SRGAP1: variants seen among roughly 807,000 people sequenced by gnomAD.
The protein encoded by SRGAP1 is SLIT-ROBO Rho GTPase-activating protein 1.
SRGAP1 carries 43 observed loss-of-function variants against 121.9 expected under a neutral mutation model. The ratio of observed to expected loss-of-function variants is 0.35; its 90% confidence interval spans 0.28 to 0.46. The LOEUF is 0.46. Among genes scored for constraint, SRGAP1 ranks in the 20% least tolerant of loss-of-function variants. SRGAP1 has a pLI of 1.00. For missense variants in SRGAP1, 1,102 were observed against 1,350.9 expected (o/e 0.82, Z 2.89); for synonymous variants, 447 against 485.4 (o/e 0.92, Z 1.04).
At chr12:63,897,845 T>C (rs941178922) in intron 1 of SRGAP1, among the ~76,000 whole-genome samples, 1 of 152,092 alleles carries the variant, frequency 6.6e-6, no homozygotes, top group African/African-American at 2.4e-5. Flanking sequence ...GGGAGGGAGA[T>C]AGATTTTTTT....
intron 12 of SRGAP1, among the ~76,000 whole-genome samples, chr12:64,093,128 C>CT (rs993408362): frequency 3.3e-5 from 5 of 152,042 alleles, no homozygotes; most frequent in Non-Finnish European, 5.9e-5. Flanking sequence ...CATTTTTTCT[C>CT]TTTTTTCTCT....
At chr12:64,014,054 T>G (rs2034331101) in intron 3 of SRGAP1, among the ~76,000 whole-genome samples, 1 of 152,222 alleles carries the variant, frequency 6.6e-6, no homozygotes, top group South Asian at 2.1e-4. Flanking sequence ...TTATGGTGTA[T>G]TCACTGTGTG....
intron 19 of SRGAP1, among the ~76,000 whole-genome samples, chr12:64,127,264 A>C (rs971547359): frequency 2.6e-5 from 4 of 152,250 alleles, no homozygotes; most frequent in East Asian, 1.9e-4. Context: ...TATGTACACA[A>C]TCACAGATAT....
chr12:63,877,290 T>G (rs1383617609), intron 1 of SRGAP1, among the ~76,000 whole-genome samples: 1 of 152,194 alleles, frequency 6.6e-6, no homozygotes, highest in African/African-American at 2.4e-5. Context: ...ATTTATTTTG[T>G]GTGTGTATGT....
chr12:64,160,994 T>C lies in SRGAP1; in HGVS notation c.*18322T>C, dbSNP rs1264592831. Reference sequence around the variant, plus strand: ...ATACATAATTTACTATTGCATGTTTTTCTCAGGGTTTCTGAAATTTCAGAA... The same window carrying C: ...ATACATAATTTACTATTGCATGTTTCTCTCAGGGTTTCTGAAATTTCAGAA... On this transcript the variant is annotated 3_prime_UTR_variant, in exon 22 of 22. Transcript: ENST00000355086. 1 of 152,236 alleles carries C rather than the reference T, an allele frequency of 6.6e-6. No individual in the cohort carries two copies. The highest frequency in any genetic ancestry group is 2.4e-5 in the African/African-American group (1 of 41,462). 9.4% of individuals were successfully genotyped at this position (152,236 alleles called of 1,614,324 possible). A position where few individuals can be genotyped will look rare whatever the true frequency, so the allele number is the denominator to read the frequency against.
intron 8 of SRGAP1, among the ~76,000 whole-genome samples, chr12:64,068,004 A>G (rs1355541422): frequency 6.6e-6 from 1 of 152,060 alleles, no homozygotes; most frequent in Non-Finnish European, 1.5e-5. Flanking sequence ...GAGCCTTTTC[A>G]CCAAATCTTA....
At chr12:64,118,556 C>T (rs1759681453) in intron 18 of SRGAP1, among the ~76,000 whole-genome samples, 1 of 152,092 alleles carries the variant, frequency 6.6e-6, no homozygotes. Context: ...GCCATTGTGT[C>T]CAGCCAACAT....
chr12:64,138,221 T>C (rs1282146820), intron 21 of SRGAP1, among the ~76,000 whole-genome samples: 1 of 151,754 alleles, frequency 6.6e-6, no homozygotes, highest in Non-Finnish European at 1.5e-5. Context: ...ACAGTATTTG[T>C]ATTTTTTGTG....
intron 1 of SRGAP1, among the ~76,000 whole-genome samples, chr12:63,885,467 C>T (rs1900347382): frequency 6.6e-6 from 1 of 152,178 alleles, no homozygotes; most frequent in African/African-American, 2.4e-5. Context: ...TCTTGGGTTT[C>T]TGTGGAGGCT....
chr12:63,900,574 A>AGGATGAGGCGGGAGGATC (rs1369584409), intron 1 of SRGAP1, among the ~76,000 whole-genome samples: 1 of 151,826 alleles, frequency 6.6e-6, no homozygotes, highest in East Asian at 2.0e-4. Flanking sequence ...GCACTTTGGG[A>AGGATGAGGCGGGAGGATC]GGATGAGGCG....
intron 21 of SRGAP1, among the ~76,000 whole-genome samples, chr12:64,133,642 A>G (rs1481697454): frequency 6.6e-6 from 1 of 152,192 alleles, no homozygotes; most frequent in African/African-American, 2.4e-5. Flanking sequence ...ATTGTCAGTA[A>G]TATAGCGGGG....
chr12:63,861,461 A>C (rs1243403131), intron 1 of SRGAP1, among the ~76,000 whole-genome samples: 1 of 150,916 alleles, frequency 6.6e-6, no homozygotes, highest in Non-Finnish European at 1.5e-5. Context: ...CACCATACCC[A>C]CCAATTTTAG....
chr12:63,989,869 C>T lies in SRGAP1; in HGVS notation c.264-41C>T, dbSNP rs776273537. ...GACTTCACTCATCTGATTGGGGCAACTTTGAAATGGGTGGTAATTCTGTGT... is the reference window on the plus strand; with the variant it reads ...GACTTCACTCATCTGATTGGGGCAATTTTGAAATGGGTGGTAATTCTGTGT... On this transcript the variant is annotated intron_variant, in intron 2 of 21. Transcript: ENST00000355086. 10 of 1,556,164 alleles carry T rather than the reference C, an allele frequency of 6.4e-6. No homozygotes were observed. The Admixed American group carries it at 1.9e-4, about 29-fold the overall frequency.
chr12:64,129,975 G>GTTTGTTGTTGTT (rs148026849), intron 21 of SRGAP1, among the ~76,000 whole-genome samples: 9 of 151,236 alleles, frequency 6.0e-5, no homozygotes, highest in Non-Finnish European at 3.0e-5. Context: ...AGCAGGTCGT[G>GTTTGTTGTTGTT]GTTGTTGTTG....
At chr12:64,042,544 C>T (rs904056632) in intron 4 of SRGAP1, among the ~76,000 whole-genome samples, 21 of 151,984 alleles carry the variant, frequency 1.4e-4, no homozygotes, top group Admixed American at 6.6e-4. Context: ...CATAAGACTC[C>T]GTAAATCATT....
At position 64,121,419 on chromosome 12, in the gene SRGAP1, A is replaced by AT. The variant is rs948100952; in HGVS notation, c.2225-4550dup. On this transcript the variant is annotated intron_variant, in intron 18 of 21. Transcript: ENST00000355086. ...AAAATGTTGCTCTTTTTTTATTTTT[A>AT]TTTTTTTTCTTTTTCTTTAGAGACA... 1.5e-3 allele frequency among the ~76,000 whole-genome samples: 227 copies of AT among 151,166 alleles called. 1 individual carries two copies. The highest frequency in any genetic ancestry group is 5.2e-3 in the African/African-American group (215 of 41,200).
At position 64,161,022 on chromosome 12, in the gene SRGAP1, T is replaced by A. The variant is rs994652620; in HGVS notation, c.*18350T>A. On this transcript the variant is annotated 3_prime_UTR_variant, in exon 22 of 22. Coordinates refer to ENST00000355086, the MANE Select transcript of SRGAP1 (RefSeq NM_020762.4). ...TCAGGGTTTCTGAAATTTCAGAATATCCTGATGTGGATCTATTTTGATTCA... is the reference window on the plus strand; with the variant it reads ...TCAGGGTTTCTGAAATTTCAGAATAACCTGATGTGGATCTATTTTGATTCA... The A allele has an allele frequency of 5.9e-5, 9 of 152,214 alleles. No individual in the cohort carries two copies. Among genetic ancestry groups the A allele is most frequent in the Admixed American group, 5.9e-4 (9 of 15,276 alleles). 9.4% of individuals were successfully genotyped at this position (152,214 alleles called of 1,614,324 possible).
At chr12:63,912,128 A>G (rs998157986) in intron 1 of SRGAP1, among the ~76,000 whole-genome samples, 7 of 152,106 alleles carry the variant, frequency 4.6e-5, no homozygotes, top group Admixed American at 6.5e-5. Context: ...TTTTAATGAT[A>G]CTAATAACTC....
chr12:64,090,753 C>T (rs2036036059), intron 11 of SRGAP1, among the ~76,000 whole-genome samples: 1 of 152,110 alleles, frequency 6.6e-6, no homozygotes, highest in Non-Finnish European at 1.5e-5. Flanking sequence ...GGGAGGATCC[C>T]TTGAGCCCAG....
Sources: allele counts gnomAD v4.1 joint callset (sites outside exome capture counted in the v4.1 genomes callset), GRCh38; gene constraint gnomAD v4.1.1; transcripts MANE v1.5; gene names NCBI Gene and HGNC (gene_info 2026-07-23, HGNC 2026-07-21).